Variants in FOXF1 observed in about 807,000 individuals in gnomAD.
FOXF1 encodes forkhead box F1.
A neutral mutation model predicts 26.6 loss-of-function variants in FOXF1; 9 were observed. The ratio of observed to expected loss-of-function variants is 0.34; its 90% CI spans 0.20 to 0.59. The LOEUF is 0.59. Ranked by LOEUF, FOXF1 falls within the 20% of genes least tolerant of loss-of-function variation. The probability of loss-of-function intolerance (pLI) is 0.83; values close to 1 mark genes in which losing one functional copy is unlikely to be tolerated. For missense variants in FOXF1, 499 were observed against 549.9 expected, an observed-to-expected ratio of 0.91 and a Z score of 0.93; for synonymous variants, 330 against 257.7, an observed-to-expected ratio of 1.28 and a Z score of -2.69.
In FOXF1 at chr16:86,515,133, A is replaced by G. The variant is rs1969626561; in HGVS notation, c.*2048A>G. ...CCAATCCTGTAACATTTATCTCCTA[A>G]GTCACAGTTCGTCCTCTCTGGGGGA... On this transcript the variant is annotated 3_prime_UTR_variant, in exon 2 of 2. Coordinates refer to ENST00000262426, the MANE Select transcript of FOXF1 (RefSeq NM_001451.3). This position sits in a 1 kb window ranked among gnomAD's most constrained non-coding sequence, Gnocchi z 4.1. 6.6e-6 allele frequency: 1 copy of G among 152,162 alleles called. No individual in the cohort carries two copies. The allele number at this position is 152,162 out of a possible 1,614,324, so 9.4% of individuals were successfully genotyped here.
rs1345572902 is a variant in FOXF1 at position 86,511,530 on chromosome 16, G to T, written c.961G>T (p.Ala321Ser). 1.9e-6 allele frequency: 3 copies of T among 1,586,954 alleles called. No homozygotes were observed. Among genetic ancestry groups the T allele is most frequent in the Non-Finnish European group, 2.6e-6 (3 of 1,174,958 alleles). The change falls in exon 1 of 2, where the codon GCC becomes TCC. Residue 321 changes from alanine to serine, a missense_variant. By Grantham distance (99) the Ala-to-Ser change is moderately conservative. This residue lies in a region of FOXF1 where 367 missense variants were observed against 324.8 expected (regional missense o/e 1.13). Transcript: ENST00000262426. ...QPYLHQNSHN[A>S]PAELQGIPRY... is the part of the protein sequence containing the mutation. Reference sequence around the variant, plus strand: ...GTATCTGCACCAGAACAGCCACAACGCCCCAGCCGAGCTGCAAGGTGAGTG... The same window carrying T: ...GTATCTGCACCAGAACAGCCACAACTCCCCAGCCGAGCTGCAAGGTGAGTG...
In FOXF1 at chr16:86,511,467, C is replaced by T. The variant is rs1227552126; in HGVS notation, c.898C>T (p.Leu300=). The T allele has an allele frequency of 3.1e-6, 5 of 1,591,346 alleles. No individual in the cohort carries two copies. The South Asian group carries it at 4.4e-5, about 14-fold the overall frequency. The change falls in exon 1 of 2, where the codon CTG becomes TTG. Residue 300 remains leucine, a synonymous_variant. Coordinates refer to ENST00000262426, the MANE Select transcript of FOXF1 (RefSeq NM_001451.3). ...CCCCTGTAACCCCGCGGCCAACCCC[C>T]TGTCCGGCAGCCTCTCCACGCACTC... ...LSPCNPAANP[L]SGSLSTHSLE...
chr16:86,510,534 AGCGGCGGCAGCG>A lies in FOXF1; in HGVS notation c.-27_-16del. Reference sequence around the variant, plus strand: ...TCCCGGCCCGTCCGCGGCGCAGAGCAGCGGCGGCAGCGGCGGCGGCGGCAGCAGCCACCCGAT... The same window carrying A: ...TCCCGGCCCGTCCGCGGCGCAGAGCAGCGGCGGCGGCAGCAGCCACCCGAT... On this transcript the variant is annotated 5_prime_UTR_variant, in exon 1 of 2. Transcript: ENST00000262426. 7.8e-7 allele frequency: 1 copy of A among 1,285,176 alleles called. No homozygotes were observed. The highest frequency in any genetic ancestry group is 9.8e-7 in the Non-Finnish European group (1 of 1,018,822). The allele number at this position is 1,285,176 out of a possible 1,614,324, so 79.6% of individuals were successfully genotyped here. A position where few individuals can be genotyped will look rare whatever the true frequency, so the allele number is the denominator to read the frequency against.
rs554578007 is a variant in FOXF1, at chr16:86,515,379, A to C, written c.*2294A>C. Reference sequence around the variant, plus strand: ...ATTTCTCCGGTGCTCTGTTACATCAAAATTATCAATAAACTCGCCTGGGCA... The same window carrying C: ...ATTTCTCCGGTGCTCTGTTACATCACAATTATCAATAAACTCGCCTGGGCA... On this transcript the variant is annotated 3_prime_UTR_variant, in exon 2 of 2. Coordinates refer to ENST00000262426, the MANE Select transcript of FOXF1 (RefSeq NM_001451.3). The surrounding 1 kb of genome is among the most constrained non-coding windows in gnomAD (Gnocchi z 4.1). 7.2e-5 allele frequency: 11 copies of C among 152,284 alleles called. No homozygotes were observed. Among genetic ancestry groups the C allele is most frequent in the South Asian group, 2.1e-4 (1 of 4,820 alleles). The allele number at this position is 152,284 out of a possible 1,614,324, so 9.4% of individuals were successfully genotyped here. A position where few individuals can be genotyped will look rare whatever the true frequency, so the allele number is the denominator to read the frequency against.
chr16:86,512,041 G>T (rs999837502), intron 1 of FOXF1, among the ~76,000 whole-genome samples: 2 of 152,242 alleles, frequency 1.3e-5, no homozygotes, highest in African/African-American at 4.8e-5. Context: ...CAGAGGCTCA[G>T]CCCCGGCCTT....
chr16:86,512,707 CAGG>C (rs1567511667), intron 1 of FOXF1, among the ~76,000 whole-genome samples: 1 of 152,182 alleles, frequency 6.6e-6, no homozygotes, highest in Non-Finnish European at 1.5e-5. Flanking sequence ...GGCAGGCAGG[CAGG>C]CAGGCAGGCC....
chr16:86,514,159 A>G lies in FOXF1; in HGVS notation c.*1074A>G, dbSNP rs565219080. On this transcript the variant is annotated 3_prime_UTR_variant, in exon 2 of 2. Coordinates refer to ENST00000262426, the MANE Select transcript of FOXF1 (RefSeq NM_001451.3). ...CGTGTAGAATTTTTTTTAGATATCC[A>G]TTGTAAATTTGAAACAAAGACCGAT... 8.6e-4 allele frequency: 131 copies of G among 152,096 alleles called. No individual in the cohort carries two copies. The highest frequency in any genetic ancestry group is 3.0e-3 in the African/African-American group (126 of 41,514). The allele number at this position is 152,096 out of a possible 1,614,324, so 9.4% of individuals were successfully genotyped here.
In FOXF1 at chr16:86,513,373, C is replaced by A. The variant is rs923229688; in HGVS notation, c.*288C>A. 1.3e-4 allele frequency: 56 copies of A among 440,034 alleles called. No individual in the cohort carries two copies. The highest frequency in any genetic ancestry group is 1.3e-3 in the African/African-American group (52 of 41,112). The allele number at this position is 440,034 out of a possible 1,614,324, so 27.3% of individuals were successfully genotyped here. Reference sequence around the variant, plus strand: ...TTGATCCTGTTGAACCCGCCTGAGACGGTGCTGTGCAGGGGAAAGCCCCCG... The same window carrying A: ...TTGATCCTGTTGAACCCGCCTGAGAAGGTGCTGTGCAGGGGAAAGCCCCCG... On this transcript the variant is annotated 3_prime_UTR_variant, in exon 2 of 2. Coordinates refer to ENST00000262426, the MANE Select transcript of FOXF1 (RefSeq NM_001451.3).
intron 1 of FOXF1, among the ~76,000 whole-genome samples, chr16:86,511,989 C>T (rs1038009523): frequency 3.9e-5 from 6 of 152,168 alleles, no homozygotes; most frequent in African/African-American, 1.4e-4. Flanking sequence ...TGGGGCTGGG[C>T]GGAACGGAAG....
chr16:86,511,172 C>A lies in FOXF1; in HGVS notation c.603C>A (p.Gly201=). The A allele has an allele frequency of 6.3e-7, 1 of 1,584,760 alleles. No individual in the cohort carries two copies. Among genetic ancestry groups the A allele is most frequent in the Non-Finnish European group, 8.5e-7 (1 of 1,173,184 alleles). ...GCATGATGAACGGCCACTTGCCGGGCAACGTGGACGGCATGGCCCTGCCCA... is the reference window on the plus strand; with the variant it reads ...GCATGATGAACGGCCACTTGCCGGGAAACGTGGACGGCATGGCCCTGCCCA... The part of the protein sequence containing the change: ...GLGMMNGHLP[G]NVDGMALPSH... Residue 201 remains glycine, a synonymous_variant, in exon 1 of 2, where the codon GGC becomes GGA. Coordinates refer to ENST00000262426, the MANE Select transcript of FOXF1 (RefSeq NM_001451.3).
rs755807432 is a variant in FOXF1, at chr16:86,513,022, C to T, written c.1077C>T (p.Ala359=). 5 of 1,613,894 alleles carry T rather than the reference C, an allele frequency of 3.1e-6. No individual in the cohort carries two copies. The highest frequency in any genetic ancestry group is 1.7e-5 in the Admixed American group (1 of 60,028). ...TGGCGTCCTCTTCCATGCACTCGGC[C>T]GGCGGGGGCTCCTACTACCACCAGC... ...NAMASSSMHS[A]GGGSYYHQQV... The change falls in exon 2 of 2, where the codon GCC becomes GCT. Residue 359 remains alanine (A), a synonymous_variant. Transcript: ENST00000262426.
In FOXF1 at chr16:86,511,302, G is replaced by A. The variant is rs754304579; in HGVS notation, c.733G>A (p.Ala245Thr). 39 of 1,520,962 alleles carry A rather than the reference G, an allele frequency of 2.6e-5. 2 individuals are homozygous for A. The highest frequency in any genetic ancestry group is 4.4e-4 in the Middle Eastern group (2 of 4,590). 94.2% of individuals were successfully genotyped at this position (1,520,962 alleles called of 1,614,324 possible). The change falls in exon 1 of 2, where the codon GCC becomes ACC. Residue 245 changes from alanine (A) to threonine (T), a missense_variant. Transcript: ENST00000262426. ...EYPHHDSSVP[A>T]SPLLPTGAGG... ...CCCGCACCACGACAGCTCGGTGCCCGCCTCCCCGCTGCTGCCCACCGGCGC... is the reference window on the plus strand; with the variant it reads ...CCCGCACCACGACAGCTCGGTGCCCACCTCCCCGCTGCTGCCCACCGGCGC...
At position 86,514,373 on chromosome 16, in the gene FOXF1, T is replaced by C. The variant is rs1567512609; in HGVS notation, c.*1288T>C. The C allele has an allele frequency of 6.6e-6, 1 of 152,032 alleles. No homozygotes were observed. The highest frequency in any genetic ancestry group is 2.4e-5 in the African/African-American group (1 of 41,408). 9.4% of individuals were successfully genotyped at this position (152,032 alleles called of 1,614,324 possible). On this transcript the variant is annotated 3_prime_UTR_variant, in exon 2 of 2. Coordinates refer to ENST00000262426, the MANE Select transcript of FOXF1 (RefSeq NM_001451.3). ...GATGTTTTGCCTTTTGTGTATTTTT[T>C]CCTAAAAAAAGAACAAAAATAAAAA... is the stretch of plus-strand genomic sequence containing the variant.
At position 86,511,189 on chromosome 16, in the gene FOXF1, C is replaced by A. The variant is rs1255686162; in HGVS notation, c.620C>A (p.Ala207Asp). 6.4e-7 allele frequency: 1 copy of A among 1,560,364 alleles called. No individual in the cohort carries two copies. Among genetic ancestry groups the A allele is most frequent in the Non-Finnish European group, 8.6e-7 (1 of 1,161,018 alleles). ...GHLPGNVDGM[A>D]LPSHSVPHLP... is the part of the protein sequence containing the mutation. ...TTGCCGGGCAACGTGGACGGCATGGCCCTGCCCAGCCACTCGGTGCCCCAC... is the reference window on the plus strand; with the variant it reads ...TTGCCGGGCAACGTGGACGGCATGGACCTGCCCAGCCACTCGGTGCCCCAC... Residue 207 changes from alanine to aspartate, a missense_variant, in exon 1 of 2, where the codon GCC becomes GAC. Physicochemically the swap from Ala to Asp is moderately radical, Grantham distance 126. Around this residue, in one of 5 missense-constraint regions of FOXF1, gnomAD observed 367 missense variants for 324.8 expected, o/e 1.13. Transcript: ENST00000262426.
Position 86,510,609 on chromosome 16 carries a change from G to T in FOXF1, c.40G>T (p.Gly14Cys), listed in dbSNP as rs746952340. The stretch of plus-strand genomic sequence containing the variant: ...CGAGAAGCAGCAGCCACCGCACGGC[G>T]GCGGCGGCGGCGGCGGCGGGGGAGG... The part of the protein sequence containing the change: ...APEKQQPPHG[G>C]GGGGGGGGGA... The change falls in exon 1 of 2, where the codon GGC becomes TGC. Residue 14 changes from glycine to cysteine, a missense_variant. Transcript: ENST00000262426. 6.8e-5 allele frequency: 93 copies of T among 1,373,514 alleles called. No individual in the cohort carries two copies. The highest frequency in any genetic ancestry group is 2.5e-4 in the Middle Eastern group (1 of 4,078). 85.1% of individuals were successfully genotyped at this position (1,373,514 alleles called of 1,614,324 possible).
intron 1 of FOXF1, 32 bp from the exon 2 acceptor site, chr16:86,512,893 C>T (rs879132525): frequency 1.2e-6 from 2 of 1,613,142 alleles, no homozygotes; most frequent in South Asian, 1.1e-5. Context: ...CTCTTCTGCT[C>T]CCCCAACCCC....
At position 86,510,542 on chromosome 16, in the gene FOXF1, C is replaced by G; in HGVS notation, c.-28C>G. ...CGTCCGCGGCGCAGAGCAGCGGCGG[C>G]AGCGGCGGCGGCGGCAGCAGCCACC... On this transcript the variant is annotated 5_prime_UTR_variant, in exon 1 of 2. Coordinates refer to ENST00000262426, the MANE Select transcript of FOXF1 (RefSeq NM_001451.3). 1 of 1,299,384 alleles carries G rather than the reference C, an allele frequency of 7.7e-7. No individual in the cohort carries two copies. The highest frequency in any genetic ancestry group is 9.7e-7 in the Non-Finnish European group (1 of 1,026,630). The allele number at this position is 1,299,384 out of a possible 1,614,324, so 80.5% of individuals were successfully genotyped here.
rs1484315414 is a variant in FOXF1, at chr16:86,511,262, G to T, written c.693G>T (p.Ala231=). The change falls in exon 1 of 2, where the codon GCG becomes GCT. Residue 231 remains alanine, a synonymous_variant. Transcript: ENST00000262426. ...GHSYMGGCGG[A]AAGEYPHHDS... ...CGTACATGGGCGGCTGCGGCGGCGC[G>T]GCGGCCGGCGAGTACCCGCACCACG... is the stretch of plus-strand genomic sequence containing the variant. The T allele has an allele frequency of 1.3e-6, 2 of 1,520,050 alleles. No individual in the cohort carries two copies. The highest frequency in any genetic ancestry group is 1.8e-6 in the Non-Finnish European group (2 of 1,140,500). 94.2% of individuals were successfully genotyped at this position (1,520,050 alleles called of 1,614,324 possible). A position where few individuals can be genotyped will look rare whatever the true frequency, so the allele number is the denominator to read the frequency against.
At position 86,515,009 on chromosome 16, in the gene FOXF1, G is replaced by A. The variant is rs1262120181; in HGVS notation, c.*1924G>A. The A allele has an allele frequency of 2.0e-5, 3 of 151,806 alleles. No homozygotes were observed. Among genetic ancestry groups the A allele is most frequent in the Admixed American group, 2.0e-4 (3 of 15,240 alleles). The allele number at this position is 151,806 out of a possible 1,614,324, so 9.4% of individuals were successfully genotyped here. ...TGTTGGTTTGTCTTGTTTTGTTTTG[G>A]CTTTTTGGTGCCTTGTTCTTGGTTT... On this transcript the variant is annotated 3_prime_UTR_variant, in exon 2 of 2. Transcript: ENST00000262426. The surrounding 1 kb of genome is among the most constrained non-coding windows in gnomAD (Gnocchi z 4.1).
Sources: allele counts gnomAD v4.1 joint callset (sites outside exome capture counted in the v4.1 genomes callset), GRCh38; gene constraint gnomAD v4.1.1; regional missense constraint gnomAD v4.1.1; non-coding constraint Gnocchi (gnomAD v3.1); transcripts MANE v1.5; gene names NCBI Gene and HGNC (gene_info 2026-07-23, HGNC 2026-07-21).